TTN: variants seen among roughly 807,000 people sequenced by gnomAD.
TTN encodes titin.
In TTN, 1,525 loss-of-function variants were observed where a neutral mutation model predicts 3,223.0. The observed-to-expected ratio is 0.47, with a 90% CI of 0.45 to 0.49. The LOEUF (loss-of-function observed/expected upper bound fraction) is 0.49, where lower values mean the gene tolerates loss of function less well. Among genes scored for constraint, TTN ranks in the 20% least tolerant of loss-of-function variants. The pLI, the probability that TTN is intolerant of heterozygous loss-of-function variation, is 0.00. For synonymous variants in TTN, 14,094 were observed against 15,161.0 expected, an observed-to-expected ratio of 0.93 and a Z score of 5.17; for missense variants, 40,786 against 43,424.0, an observed-to-expected ratio of 0.94 and a Z score of 5.40.
chr2:178,597,962 C>A lies in TTN; in HGVS notation c.57208G>T (p.Gly19070Cys), dbSNP rs754134244. 6.2e-7 allele frequency: 1 copy of A among 1,613,348 alleles called. No individual in the cohort carries two copies. Among genetic ancestry groups the A allele is most frequent in the South Asian group, 1.1e-5 (1 of 91,050 alleles). The change falls in exon 293 of 363, where the codon GGC becomes TGC. Residue 19070 changes from glycine (G) to cysteine (C), a missense_variant. By Grantham distance (159) the Gly-to-Cys change is radical. Transcript: ENST00000589042. ...GTGACCTCTCCAGGTTCTCCAATGC[C>A]AGCAATGTTGACTGCTCTAACTCTA... Reference protein sequence around the residue: ...KFRVRAVNIAGIGEPGEVTDV... With the variant: ...KFRVRAVNIACIGEPGEVTDV...
rs765190829 is a variant in TTN at position 178,711,266 on chromosome 2, T to C, written c.27970A>G (p.Ile9324Val). The stretch of plus-strand genomic sequence containing the variant: ...ACGGAGATAGGTTCTGATCCACTTA[T>C]GGCACAATCAAAAACAACTGGCAGT... Reference protein sequence around the residue: ...VGLPVVFDCAISGSEPISVSW... With the variant: ...VGLPVVFDCAVSGSEPISVSW... Residue 9324 changes from isoleucine (I) to valine (V), a missense_variant, in exon 97 of 363, where the codon ATA becomes GTA. By Grantham distance (29) the Ile-to-Val change is conservative. Transcript: ENST00000589042. 6.8e-6 allele frequency: 11 copies of C among 1,613,688 alleles called. No individual in the cohort carries two copies. Among genetic ancestry groups the C allele is most frequent in the Non-Finnish European group, 9.3e-6 (11 of 1,179,766 alleles).
At chr2:178,792,336 C>T (rs925227749) in intron 9 of TTN, 139 bp from the exon 10 acceptor site, 35 of 817,436 alleles carry the variant, frequency 4.3e-5, no homozygotes, top group Admixed American at 2.2e-4. Flanking sequence ...AATAAATAAT[C>T]CCATGTTCAT....
At position 178,576,199 on chromosome 2, in the gene TTN, T is replaced by C; in HGVS notation, c.69933A>G (p.Lys23311=). Residue 23311 remains lysine (K), a synonymous_variant, in exon 326 of 363, where the codon AAA becomes AAG. Transcript: ENST00000589042. The surrounding 1 kb of genome is among the most constrained non-coding windows in gnomAD (Gnocchi z 4.3). ...TGATGGCACTGATTCTGAAGTTGTA[T>C]TTTTCTTTAGTCTGAAGATCAGGAA... is the stretch of plus-strand genomic sequence containing the variant. ...FVVPDLQTKE[K]YNFRISAIND... 3.7e-6 allele frequency: 6 copies of C among 1,612,996 alleles called. No homozygotes were observed. The highest frequency in any genetic ancestry group is 4.2e-6 in the Non-Finnish European group (5 of 1,179,398).
Position 178,639,742 on chromosome 2 carries a change from G to A in TTN, c.40833C>T (p.Pro13611=). The change falls in exon 223 of 363, where the codon CCC becomes CCT. Residue 13611 remains proline (P), a synonymous_variant. Transcript: ENST00000589042. ...CTGGCACTGTTACTGGGGCAGCGAT[G>A]GGGGTTGGTTCAGGTTCCACAGGAG... is the stretch of plus-strand genomic sequence containing the variant. ...KPPPVEPEPT[P]IAAPVTVPVV... is the part of the protein sequence containing the mutation. 1 of 1,611,078 alleles carries A rather than the reference G, an allele frequency of 6.2e-7. No individual in the cohort carries two copies. Among genetic ancestry groups the A allele is most frequent in the Non-Finnish European group, 8.5e-7 (1 of 1,178,436 alleles).
chr2:178,751,991 TCA>T, intron 47 of TTN: 11 of 1,588,104 alleles, frequency 6.9e-6, no homozygotes, highest in Non-Finnish European at 9.4e-6. Flanking sequence ...TGAAAAGGCG[TCA>T]CGTGTATCCC....
rs1368097891 is a variant in TTN at position 178,704,667 on chromosome 2, G to T, written c.29805C>A (p.Tyr9935Ter). ...INYPEIKLSW[Y>*]KGTEKLEPSD... ...TGGGTTCCAGTTTTTCAGTTCCTTT[G>T]TACCACGAAAGCTTGATTTCTGGAT... Residue 9935 changes from tyrosine to a stop codon, truncating the protein, a stop_gained, in exon 105 of 363, where the codon TAC (tyrosine) becomes TAA (stop). Coordinates refer to ENST00000589042, the MANE Select transcript of TTN (RefSeq NM_001267550.2). LOFTEE classifies it high-confidence loss of function. The T allele has an allele frequency of 6.2e-7, 1 of 1,611,984 alleles. No individual in the cohort carries two copies.
In TTN at chr2:178,741,752, T is replaced by C. The variant is rs2154319137; in HGVS notation, c.11481A>G (p.Ser3827=). 1 of 1,613,680 alleles carries C rather than the reference T, an allele frequency of 6.2e-7. No homozygotes were observed. The highest frequency in any genetic ancestry group is 2.2e-5 in the East Asian group (1 of 44,808). ...GTGPIFIKEV[S]NADISMGDVA... ...CATCCCCCATGCTTATATCAGCATT[T>C]GACACTTCTTTGATGAAAATTGGGC... Residue 3827 remains serine, a synonymous_variant, in exon 48 of 363, where the codon TCA becomes TCG. Coordinates refer to ENST00000589042, the MANE Select transcript of TTN (RefSeq NM_001267550.2).
intron 264 of TTN, 21 bp from the exon 265 acceptor site, chr2:178,613,093 T>G (rs1336165399): frequency 6.2e-7 from 1 of 1,611,906 alleles, no homozygotes; most frequent in East Asian, 2.2e-5. Flanking sequence ...ATGAAATCAT[T>G]GTTTAGGTTT....
intron 8 of TTN, 113 bp downstream of exon 8, chr2:178,794,286 G>T: frequency 6.7e-7 from 1 of 1,502,966 alleles, no homozygotes; most frequent in Non-Finnish European, 9.2e-7. Context: ...GCTCAAGGCT[G>T]TCTTCAGAAT....
At chr2:178,646,613 A>G (rs2062042756) in intron 215 of TTN, 54 bp from the exon 216 acceptor site, 1 of 1,058,234 alleles carries the variant, frequency 9.4e-7, no homozygotes, top group Non-Finnish European at 1.4e-6. Context: ...TTCTTCAAAA[A>G]GACTCATACA....
Position 178,567,176 on chromosome 2 carries a change from A to G in TTN, c.78956T>C (p.Ile26319Thr), listed in dbSNP as rs1706219374. Residue 26319 changes from isoleucine (I) to threonine (T), a missense_variant, in exon 326 of 363, where the codon ATT becomes ACT. Transcript: ENST00000589042. ...TCGCTTTTCAACAACATAGTGAGAA[A>G]TGTCACTGCCACCATCTTGAAGTGG... Reference protein sequence around the residue: ...SPPLQDGGSDISHYVVEKRET... With the variant: ...SPPLQDGGSDTSHYVVEKRET... 1.9e-6 allele frequency: 3 copies of G among 1,613,370 alleles called. No homozygotes were observed. In the Admixed American group the frequency reaches 5.0e-5, roughly 27 times the overall value.
chr2:178,715,258 G>T lies in TTN; in HGVS notation c.25928C>A (p.Pro8643His), dbSNP rs746681999. The T allele has an allele frequency of 6.2e-7, 1 of 1,600,082 alleles. No homozygotes were observed. The highest frequency in any genetic ancestry group is 8.5e-7 in the Non-Finnish European group (1 of 1,174,088). Reference sequence around the variant, plus strand: ...AGGATGAGGCTTTTTGCGGAAAATGGGTGGTTCTAAAATTGGAAAAAAGGA... The same window carrying T: ...AGGATGAGGCTTTTTGCGGAAAATGTGTGGTTCTAAAATTGGAAAAAAGGA... The part of the protein sequence containing the change: ...SSTSLKVKEP[P>H]IFRKKPHPIE... The change falls in exon 90 of 363, where the codon CCC becomes CAC. Residue 8643 changes from proline (P) to histidine (H), a missense_variant. Pro to His is a moderately conservative substitution (Grantham distance 77). Transcript: ENST00000589042.
chr2:178,669,098 C>T (rs889828811), intron 159 of TTN, among the ~76,000 whole-genome samples: 17 of 152,200 alleles, frequency 1.1e-4, no homozygotes, highest in Non-Finnish European at 2.4e-4. Context: ...GCAAAAGACA[C>T]TTGTATACAG....
Position 178,550,214 on chromosome 2 carries a change from C to T in TTN, c.91624G>A (p.Glu30542Lys), listed in dbSNP as rs1276009602. ...YFDGLIIKSG[E>K]SLRIKALVQG... Reference sequence around the variant, plus strand: ...ACCAAAGCTTTAATTCTAAGGCTCTCTCCGGACTTAATAATGAGACCATCA... The same window carrying T: ...ACCAAAGCTTTAATTCTAAGGCTCTTTCCGGACTTAATAATGAGACCATCA... The change falls in exon 337 of 363, where the codon GAG becomes AAG. Residue 30542 changes from glutamate to lysine, a missense_variant. Physicochemically the swap from Glu to Lys is moderately conservative, Grantham distance 56. Transcript: ENST00000589042. The T allele has an allele frequency of 6.2e-7, 1 of 1,613,608 alleles. No homozygotes were observed. The highest frequency in any genetic ancestry group is 8.5e-7 in the Non-Finnish European group (1 of 1,179,662).
At position 178,563,775 on chromosome 2, in the gene TTN, C is replaced by A; in HGVS notation, c.82357G>T (p.Gly27453Ter). Residue 27453 changes from glycine (G) to a stop codon, truncating the protein, a stop_gained, in exon 326 of 363, where the codon GGA becomes TGA. Coordinates refer to ENST00000589042, the MANE Select transcript of TTN (RefSeq NM_001267550.2). LOFTEE classifies it high-confidence loss of function. This position sits in a 1 kb window ranked among gnomAD's most constrained non-coding sequence, Gnocchi z 4.5. The stretch of plus-strand genomic sequence containing the variant: ...ACAGGCCCAGATTCCAAGGGCTCTC[C>A]AATTCCATATTTATTCACAGCCATG... ...RVMAVNKYGI[G>*]EPLESGPVTA... The A allele has an allele frequency of 6.2e-7, 1 of 1,613,678 alleles. No individual in the cohort carries two copies. The highest frequency in any genetic ancestry group is 8.5e-7 in the Non-Finnish European group (1 of 1,179,726).
In TTN at chr2:178,574,272, A is replaced by G. The variant is rs1415995155; in HGVS notation, c.71860T>C (p.Phe23954Leu). 1 of 1,612,642 alleles carries G rather than the reference A, an allele frequency of 6.2e-7. No individual in the cohort carries two copies. Among genetic ancestry groups the G allele is most frequent in the African/African-American group, 1.3e-5 (1 of 74,874 alleles). ...TCAACGATATAACTGGTAATTTTAA[A>G]GCCCCCAGTATATTCAGGCTTAGCC... ...KWAKPEYTGGFKITSYIVEKR... is the reference protein window; with the variant it reads ...KWAKPEYTGGLKITSYIVEKR... The change falls in exon 326 of 363, where the codon TTT becomes CTT. Residue 23954 changes from phenylalanine (F) to leucine (L), a missense_variant. Phe to Leu is a conservative substitution (Grantham distance 22). Coordinates refer to ENST00000589042, the MANE Select transcript of TTN (RefSeq NM_001267550.2).
rs367610925 is a variant in TTN at position 178,531,714 on chromosome 2, A to C, written c.104901T>G (p.Ser34967=). ...ACCATTTAACCTCGGCAGTTGGCTT[A>C]GACTGAACATTTAAAATAAAACGTG... ...QNTRFILNVQ[S]KPTAEVKWYH... Residue 34967 remains serine (S), a synonymous_variant, in exon 358 of 363, where the codon TCT becomes TCG. Transcript: ENST00000589042. The C allele has an allele frequency of 8.7e-6, 14 of 1,613,886 alleles. No homozygotes were observed. In the African/African-American group the frequency reaches 1.9e-4, roughly 22 times the overall value.
In TTN at chr2:178,580,564, A is replaced by G. The variant is rs773998250; in HGVS notation, c.66815T>C (p.Ile22272Thr). ...TCTCATAGTAACTCCAGCACGTAAT[A>G]TGAGTGTCTTCCTTAAGTCCGCATC... Reference protein sequence around the residue: ...ELDADLRKTLILRAGVTMRLY... With the variant: ...ELDADLRKTLTLRAGVTMRLY... Residue 22272 changes from isoleucine (I) to threonine (T), a missense_variant, in exon 317 of 363, where the codon ATA becomes ACA. By Grantham distance (89) the Ile-to-Thr change is moderately conservative. Coordinates refer to ENST00000589042, the MANE Select transcript of TTN (RefSeq NM_001267550.2). The G allele has an allele frequency of 1.5e-5, 24 of 1,612,318 alleles. No homozygotes were observed. Among genetic ancestry groups the G allele is most frequent in the Non-Finnish European group, 1.7e-5 (20 of 1,179,196 alleles).
Position 178,568,314 on chromosome 2 carries a change from C to T in TTN, c.77818G>A (p.Val25940Ile). The change falls in exon 326 of 363, where the codon GTT (valine) becomes ATT (isoleucine). Residue 25940 changes from valine to isoleucine, a missense_variant. By Grantham distance (29) the Val-to-Ile change is conservative. Transcript: ENST00000589042. ...KRDTTTTVWD[V>I]VSATVARTTL... The stretch of plus-strand genomic sequence containing the variant: ...GTTCTAGCAACAGTAGCAGAAACAA[C>T]ATCCCATACTGTGGTGGTTGTATCT... 1 of 1,613,484 alleles carries T rather than the reference C, an allele frequency of 6.2e-7. No individual in the cohort carries two copies.
Sources: allele counts gnomAD v4.1 joint callset (sites outside exome capture counted in the v4.1 genomes callset), GRCh38; gene constraint gnomAD v4.1.1; non-coding constraint Gnocchi (gnomAD v3.1); transcripts MANE v1.5; gene names NCBI Gene and HGNC (gene_info 2026-07-23, HGNC 2026-07-21).